ANKS1B: variants seen among roughly 807,000 people sequenced by gnomAD.
ANKS1B encodes the protein ankyrin repeat and sterile alpha motif domain-containing protein 1B.
A neutral mutation model predicts 148.3 loss-of-function variants in ANKS1B; 36 were observed. The ratio of observed to expected loss-of-function variants is 0.24; its 90% confidence interval spans 0.19 to 0.32. The LOEUF is 0.32. Among genes scored for constraint, ANKS1B ranks in the 10% least tolerant of loss-of-function variants. The probability of loss-of-function intolerance (pLI) is 1.00; values close to 1 mark genes in which losing one functional copy is unlikely to be tolerated. For missense variants in ANKS1B, 1,157 were observed against 1,542.6 expected, an observed-to-expected ratio of 0.75 and a Z score of 4.19; for synonymous variants, 542 against 560.8, an observed-to-expected ratio of 0.97 and a Z score of 0.47.
intron 14 of ANKS1B, among the ~76,000 whole-genome samples, chr12:99,225,402 A>G (rs2085752655): frequency 6.6e-6 from 1 of 152,060 alleles, no homozygotes; most frequent in Admixed American, 6.6e-5. Context: ...ATTTTTCTTA[A>G]TTTGGGTTTT....
intron 14 of ANKS1B, among the ~76,000 whole-genome samples, chr12:99,187,091 A>C (rs2079971800): frequency 6.6e-6 from 1 of 151,912 alleles, no homozygotes; most frequent in African/African-American, 2.4e-5. Context: ...GATATCAGAG[A>C]TTGAAGATCA....
chr12:99,171,708 T>TTA (rs2077774525), intron 14 of ANKS1B, among the ~76,000 whole-genome samples: 2 of 152,250 alleles, frequency 1.3e-5, no homozygotes, highest in South Asian at 2.1e-4. Flanking sequence ...GACAACAAAA[T>TTA]TATATATATA....
chr12:99,023,157 T>C (rs898737550), intron 17 of ANKS1B, among the ~76,000 whole-genome samples: 1 of 152,170 alleles, frequency 6.6e-6, no homozygotes, highest in African/African-American at 2.4e-5. Context: ...TGCTTTTATA[T>C]CACTGTTATT....
At chr12:99,334,152 A>G (rs1472837368) in intron 12 of ANKS1B, among the ~76,000 whole-genome samples, 1 of 139,998 alleles carries the variant, frequency 7.1e-6, no homozygotes, top group East Asian at 2.0e-4. Context: ...ATAGATAGAT[A>G]GACAGACAGA....
At chr12:99,022,717 C>G (rs2099946541) in intron 17 of ANKS1B, among the ~76,000 whole-genome samples, 1 of 151,914 alleles carries the variant, frequency 6.6e-6, no homozygotes, top group South Asian at 2.1e-4. Flanking sequence ...TCAGGGGTCT[C>G]TCTCTGTTGT....
chr12:99,162,488 C>T (rs2076758585), intron 14 of ANKS1B, among the ~76,000 whole-genome samples: 4 of 151,904 alleles, frequency 2.6e-5, no homozygotes, highest in Admixed American at 2.0e-4. Context: ...AGTTTTAGTG[C>T]TCTGGGTTTT....
intron 12 of ANKS1B, among the ~76,000 whole-genome samples, chr12:99,354,610 C>T (rs1221037245): frequency 1.3e-5 from 2 of 151,986 alleles, no homozygotes; most frequent in African/African-American, 4.8e-5. Flanking sequence ...ACTGTTGTCA[C>T]ACCATTAAGA....
At chr12:99,498,759 G>T (rs1386362178) in intron 10 of ANKS1B, among the ~76,000 whole-genome samples, 1 of 152,014 alleles carries the variant, frequency 6.6e-6, no homozygotes, top group Non-Finnish European at 1.5e-5. Context: ...CAATTTGAGG[G>T]TCTCTAAAAG....
chr12:99,271,662 CTATATATATATA>C (rs59207203), intron 12 of ANKS1B, among the ~76,000 whole-genome samples: 22 of 94,212 alleles, frequency 2.3e-4, no homozygotes, highest in South Asian at 6.5e-4. Flanking sequence ...AGTCAATAAA[CTATATATATATA>C]TATATATATA....
chr12:98,755,551 G>C lies in ANKS1B; in HGVS notation c.3580-4029C>G, dbSNP rs117047669. 4.8e-3 allele frequency among the ~76,000 whole-genome samples: 727 copies of C among 152,288 alleles called. 4 individuals are homozygous for C. Among genetic ancestry groups the C allele is most frequent in the Non-Finnish European group, 7.9e-3 (536 of 68,022 alleles). ...ATCCACAGGACTAACTGGAGTAATC[G>C]TAACATTTCTAGTTAATACTCAGTC... On this transcript the variant is annotated intron_variant, in intron 25 of 26. Transcript: ENST00000683438.
At chr12:99,634,048 G>T (rs181520783) in intron 9 of ANKS1B, among the ~76,000 whole-genome samples, 3 of 152,270 alleles carry the variant, frequency 2.0e-5, no homozygotes, top group Admixed American at 2.0e-4. Context: ...ATTTTTATGT[G>T]AGAAGGACAT....
chr12:98,836,769 C>T (rs58755090), intron 17 of ANKS1B, among the ~76,000 whole-genome samples: 1,784 of 152,224 alleles, frequency 0.012, 29 homozygotes, highest in African/African-American at 0.04. Context: ...CAGACAAGAA[C>T]ATAATGGGAG....
chr12:99,719,149 C>T (rs1026663442), intron 8 of ANKS1B, among the ~76,000 whole-genome samples: 56 of 152,288 alleles, frequency 3.7e-4, no homozygotes, highest in East Asian at 3.7e-3. Flanking sequence ...CTGCGTGCAG[C>T]GGCTGCCGCT....
chr12:99,690,503 A>C (rs2098673442), intron 8 of ANKS1B, among the ~76,000 whole-genome samples: 1 of 152,214 alleles, frequency 6.6e-6, no homozygotes, highest in Non-Finnish European at 1.5e-5. Flanking sequence ...ATGAGGGCAC[A>C]CACATTGGGT....
intron 8 of ANKS1B, among the ~76,000 whole-genome samples, chr12:99,718,815 C>T (rs1333348747): frequency 6.6e-6 from 1 of 152,206 alleles, no homozygotes; most frequent in African/African-American, 2.4e-5. Flanking sequence ...CTTAGACTGA[C>T]CCTGACACCC....
At chr12:99,614,728 C>A (rs1273125342) in intron 9 of ANKS1B, among the ~76,000 whole-genome samples, 2 of 151,846 alleles carry the variant, frequency 1.3e-5, no homozygotes, top group Non-Finnish European at 2.9e-5. Context: ...TTATACTGAA[C>A]CAAATCTTTC....
chr12:99,291,131 T>C (rs1160019588), intron 12 of ANKS1B, among the ~76,000 whole-genome samples: 1 of 152,076 alleles, frequency 6.6e-6, no homozygotes, highest in Non-Finnish European at 1.5e-5. Context: ...CAAATCCCAT[T>C]TCCAATAGTT....
At chr12:99,468,712 A>G (rs370988836) in intron 10 of ANKS1B, among the ~76,000 whole-genome samples, 42 of 152,234 alleles carry the variant, frequency 2.8e-4, no homozygotes, top group African/African-American at 5.8e-4. Flanking sequence ...CTGGCCATCA[A>G]AGAAATGCAA....
chr12:99,862,018 T>A (rs1355135069), intron 1 of ANKS1B, among the ~76,000 whole-genome samples: 1 of 152,162 alleles, frequency 6.6e-6, no homozygotes, highest in African/African-American at 2.4e-5. Flanking sequence ...AATGCATAAT[T>A]CATTTTTAAC....
Sources: allele counts gnomAD v4.1 joint callset (sites outside exome capture counted in the v4.1 genomes callset), GRCh38; gene constraint gnomAD v4.1.1; transcripts MANE v1.5; gene names NCBI Gene and HGNC (gene_info 2026-07-23, HGNC 2026-07-21).